MPP3: variants seen among roughly 807,000 people sequenced by gnomAD.
The protein encoded by MPP3 is MAGUK p55 scaffold protein 3, also known as MAGUK p55 subfamily member 3.
A neutral mutation model predicts 80.7 loss-of-function variants in MPP3; 48 were observed. The ratio of observed to expected loss-of-function variants is 0.59; its 90% CI spans 0.47 to 0.76. The LOEUF is 0.76. Ranked by LOEUF, MPP3 falls within the 30% of genes least tolerant of loss-of-function variation. MPP3 has a pLI of 0.00. For synonymous variants in MPP3, 311 were observed against 297.6 expected (o/e 1.04, Z -0.46); for missense variants, 620 against 763.0 (o/e 0.81, Z 2.21).
chr17:43,809,720 A>T (rs2044765197), intron 18 of MPP3, among the ~76,000 whole-genome samples: 1 of 152,078 alleles, frequency 6.6e-6, no homozygotes, highest in Non-Finnish European at 1.5e-5. Flanking sequence ...TCTACTAAAA[A>T]TACAAAAAAT....
In MPP3 at chr17:43,801,778, C is replaced by T. The variant is rs1567791088; in HGVS notation, c.1681G>A (p.Ala561Thr). 2 of 1,614,160 alleles carry T rather than the reference C, an allele frequency of 1.2e-6. No homozygotes were observed. Among genetic ancestry groups the T allele is most frequent in the Non-Finnish European group, 1.7e-6 (2 of 1,180,022 alleles). The change falls in exon 20 of 20, where the codon GCC (alanine) becomes ACC (threonine). Residue 561 changes from alanine to threonine, a missense_variant. Coordinates refer to ENST00000398389, the MANE Select transcript of MPP3 (RefSeq NM_001932.6). The stretch of plus-strand genomic sequence containing the variant: ...AAGACCACTTTGAGCTGGCTGTAGG[C>T]ACCCTGGAGATCCTCCTTCACCAGC... The part of the protein sequence containing the change: ...AVLVKEDLQG[A>T]YSQLKVVLEK...
chr17:43,802,843 A>C (rs1437111933), intron 19 of MPP3, among the ~76,000 whole-genome samples: 1 of 152,150 alleles, frequency 6.6e-6, no homozygotes, highest in African/African-American at 2.4e-5. Flanking sequence ...TCTCCCAAAG[A>C]GACCTACATT....
intron 9 of MPP3, among the ~76,000 whole-genome samples, chr17:43,824,358 C>T (rs376451995): frequency 7.9e-5 from 12 of 152,292 alleles, no homozygotes; most frequent in East Asian, 7.7e-4. Flanking sequence ...CTGACCGCTA[C>T]GGCCCCAGAG....
intron 18 of MPP3, among the ~76,000 whole-genome samples, chr17:43,809,799 A>G (rs1250213387): frequency 6.6e-6 from 1 of 152,178 alleles, no homozygotes; most frequent in East Asian, 1.9e-4. Context: ...GAATGGCGTG[A>G]ACCCGGGAGG....
At chr17:43,820,104 C>T (rs2045350201) in intron 11 of MPP3, among the ~76,000 whole-genome samples, 1 of 152,000 alleles carries the variant, frequency 6.6e-6, no homozygotes, top group South Asian at 2.1e-4. Context: ...TGCAACCATG[C>T]CCAGCTAATT....
Position 43,814,050 on chromosome 17 carries a change from C to A in MPP3, c.1216G>T (p.Val406Leu). ...ARLHELKQKV[V>L]AENPQHFGVA... is the part of the protein sequence containing the mutation. ...CCAAAGTGCTGTGGGTTCTCAGCCA[C>A]CACCTTTTGCTTCAGCTCGTGCAGT... The change falls in exon 16 of 20, where the codon GTG becomes TTG. Residue 406 changes from valine (V) to leucine (L), a missense_variant. Val to Leu is a conservative substitution (Grantham distance 32, BLOSUM62 1). Coordinates refer to ENST00000398389, the MANE Select transcript of MPP3 (RefSeq NM_001932.6). The A allele has an allele frequency of 1.2e-6, 2 of 1,613,618 alleles. No homozygotes were observed. Among genetic ancestry groups the A allele is most frequent in the Non-Finnish European group, 1.7e-6 (2 of 1,179,660 alleles).
At chr17:43,832,216 T>C in intron 2 of MPP3, 2 of 469,928 alleles carry the variant, frequency 4.3e-6, no homozygotes. Flanking sequence ...CCCATTTTAT[T>C]GATGAAGAAA....
At chr17:43,816,452 G>A (rs896560591) in intron 13 of MPP3, among the ~76,000 whole-genome samples, 5 of 152,224 alleles carry the variant, frequency 3.3e-5, no homozygotes, top group East Asian at 1.9e-4. Context: ...TGGGCCGCAC[G>A]TGTCAGGAGG....
chr17:43,823,431 TG>T (rs1242130812), intron 10 of MPP3, among the ~76,000 whole-genome samples: 1 of 151,672 alleles, frequency 6.6e-6, no homozygotes, highest in Non-Finnish European at 1.5e-5. Context: ...CTAGGGTGAC[TG>T]TAACTCTTTG....
intron 10 of MPP3, among the ~76,000 whole-genome samples, chr17:43,823,356 C>T (rs1722281619): frequency 6.6e-6 from 1 of 152,180 alleles, no homozygotes; most frequent in South Asian, 2.1e-4. Flanking sequence ...CAGACCCCAC[C>T]AAGGTCCTAC....
chr17:43,811,042 G>T, intron 17 of MPP3, 70 bp downstream of exon 17: 1 of 1,484,200 alleles, frequency 6.7e-7, no homozygotes. Context: ...CCTCCCAGGA[G>T]CTCTAGTGGA....
chr17:43,818,023 G>A (rs559188363), intron 12 of MPP3, 23 bp downstream of exon 12: 2 of 1,564,400 alleles, frequency 1.3e-6, no homozygotes, highest in South Asian at 1.2e-5. Flanking sequence ...TCCCTGGAGT[G>A]CCATCCCTGA....
At chr17:43,811,284 A>T (rs1227314199) in intron 16 of MPP3, 79 bp from the exon 17 acceptor site, 1 of 1,098,478 alleles carries the variant, frequency 9.1e-7, no homozygotes, top group Admixed American at 1.7e-5. Context: ...TTAGGCACTC[A>T]TTTGGGAGTT....
intron 7 of MPP3, among the ~76,000 whole-genome samples, chr17:43,828,635 A>G (rs972256661): frequency 6.6e-6 from 1 of 152,222 alleles, no homozygotes; most frequent in Non-Finnish European, 1.5e-5. Flanking sequence ...ACATATGTTA[A>G]CCACTTATTA....
rs527262331 is a variant in MPP3, at chr17:43,820,731, C to T, written c.881+131G>A. The T allele has an allele frequency of 5.8e-4, 434 of 753,014 alleles. 2 individuals are homozygous for T. The highest frequency in any genetic ancestry group is 3.7e-4 in the South Asian group (20 of 54,186). The allele number at this position is 753,014 out of a possible 1,614,324, so 46.6% of individuals were successfully genotyped here. The stretch of plus-strand genomic sequence containing the variant: ...GGGAAAAGACCAAACACAAGTGCAA[C>T]TGGTACTTACCTTGGGGGAACAATG... On this transcript the variant is annotated intron_variant, in intron 11 of 19. Coordinates refer to ENST00000398389, the MANE Select transcript of MPP3 (RefSeq NM_001932.6).
At chr17:43,827,687 G>A in intron 8 of MPP3, 64 bp downstream of exon 8, 1 of 1,531,674 alleles carries the variant, frequency 6.5e-7, no homozygotes, top group Non-Finnish European at 9.0e-7. Flanking sequence ...ATTAGCAAAG[G>A]TGGAGGGCTC....
At chr17:43,822,496 T>C (rs1017375662) in intron 10 of MPP3, among the ~76,000 whole-genome samples, 1 of 151,912 alleles carries the variant, frequency 6.6e-6, no homozygotes, top group Non-Finnish European at 1.5e-5. Context: ...ATCAAAGTGA[T>C]GCCCTCCTCT....
intron 10 of MPP3, 151 bp from the exon 11 acceptor site, chr17:43,821,209 G>A (rs1010693974): frequency 5.8e-6 from 4 of 685,412 alleles, no homozygotes; most frequent in African/African-American, 1.8e-5. Flanking sequence ...TACACTGCAC[G>A]TATGTTCTTA....
At position 43,801,730 on chromosome 17, in the gene MPP3, G is replaced by T. The variant is rs373244637; in HGVS notation, c.1729C>A (p.His577Asn). The T allele has an allele frequency of 1.9e-6, 3 of 1,614,124 alleles. No individual in the cohort carries two copies. In the South Asian group the frequency reaches 3.3e-5, roughly 18 times the overall value. Reference sequence around the variant, plus strand: ...CTGACCCAACTAACAGGTACCCAGTGAGTGTCCTTGCTCAGCTTCTCTAAG... The same window carrying T: ...CTGACCCAACTAACAGGTACCCAGTTAGTGTCCTTGCTCAGCTTCTCTAAG... ...VVLEKLSKDT[H>N]WVPVSWVR is the part of the protein sequence containing the mutation. The change falls in exon 20 of 20, where the codon CAC (histidine) becomes AAC (asparagine). Residue 577 changes from histidine (H) to asparagine (N), a missense_variant. Physicochemically the swap from His to Asn is moderately conservative, Grantham distance 68 (BLOSUM62 1). Transcript: ENST00000398389.
Sources: gnomAD v4.1 joint callset for allele counts (sites outside exome capture counted in the v4.1 genomes callset) on GRCh38, gnomAD v4.1.1 for gene constraint, MANE v1.5 for transcripts, NCBI Gene and HGNC (gene_info 2026-07-23, HGNC 2026-07-21) for gene names.